CELF2: variants seen among roughly 807,000 people sequenced by gnomAD.
CELF2 encodes CUG triplet repeat RNA-binding protein 2.
Under a neutral mutation model 62.6 loss-of-function variants are expected in CELF2, and 8 were observed. The observed-to-expected ratio is 0.13, with a 90% CI of 0.07 to 0.23. The LOEUF (loss-of-function observed/expected upper bound fraction) is 0.23. Among genes scored for constraint, CELF2 ranks in the 10% least tolerant of loss-of-function variants. The probability of loss-of-function intolerance (pLI) is 1.00; values close to 1 mark genes in which losing one functional copy is unlikely to be tolerated. For missense variants in CELF2, 333 were observed against 671.0 expected (o/e 0.50, Z 5.56); for synonymous variants, 258 against 250.0 (o/e 1.03, Z -0.30).
chr10:11,258,630 C>T (rs1160757966), intron 5 of CELF2, among the ~76,000 whole-genome samples: 7 of 152,198 alleles, frequency 4.6e-5, no homozygotes, highest in African/African-American at 7.2e-5. Flanking sequence ...TAAAGGCTGA[C>T]GCTGGAGGTT....
the CELF2 span, among the ~76,000 whole-genome samples, chr10:10,571,858 C>A: frequency 0.41 from 61,826 of 151,844 alleles, 12,862 homozygotes; most frequent in East Asian, 0.55. Context: ...ATGAGATGAG[C>A]GTAGGAATGA....
chr10:10,628,233 A>T, the CELF2 span, among the ~76,000 whole-genome samples: 1 of 152,098 alleles, frequency 6.6e-6, no homozygotes, highest in Non-Finnish European at 1.5e-5. Flanking sequence ...TAACCTTAAA[A>T]ACAGTAAACC....
At chr10:10,775,098 G>A in the CELF2 span, among the ~76,000 whole-genome samples, 5 of 151,990 alleles carry the variant, frequency 3.3e-5, no homozygotes, top group East Asian at 9.8e-4. Flanking sequence ...GCTGGTCTTG[G>A]CCTCCTGATC....
chr10:11,141,021 A>G (rs1174510036), intron 1 of CELF2, among the ~76,000 whole-genome samples: 3 of 152,226 alleles, frequency 2.0e-5, no homozygotes, highest in African/African-American at 7.2e-5. Flanking sequence ...GTCTTAAAAA[A>G]ATAAAGCATA....
chr10:10,661,322 T>C, the CELF2 span, among the ~76,000 whole-genome samples: 1 of 152,248 alleles, frequency 6.6e-6, no homozygotes, highest in African/African-American at 2.4e-5. Context: ...GATTCAACTA[T>C]GGTTGTGTGT....
chr10:11,225,526 C>T (rs114218011), intron 3 of CELF2, among the ~76,000 whole-genome samples: 2,371 of 152,274 alleles, frequency 0.016, 62 homozygotes, highest in African/African-American at 0.054. Context: ...GAGTACTTCA[C>T]GTAGACAAAC....
chr10:11,288,414 A>C lies in CELF2; in HGVS notation c.842-4A>C. 6.2e-7 allele frequency: 1 copy of C among 1,613,826 alleles called. No individual in the cohort carries two copies. The highest frequency in any genetic ancestry group is 2.2e-5 in the East Asian group (1 of 44,900). On this transcript the variant is annotated splice_region_variant and splice_polypyrimidine_tract_variant and intron_variant, in intron 8 of 12. Transcript: ENST00000633077. ...CTGAAAGTAACTTTCTCTTCCCTCC[A>C]CAGGCATGAATGCTTTACAGTTGCA...
At chr10:10,749,768 G>A in the CELF2 span, among the ~76,000 whole-genome samples, 1 of 152,150 alleles carries the variant, frequency 6.6e-6, no homozygotes, top group African/African-American at 2.4e-5. Flanking sequence ...GTTCATGATT[G>A]TTATCAATAA....
At chr10:10,867,700 A>C (rs145001051) in intron 1 of CELF2, among the ~76,000 whole-genome samples, 1 of 152,090 alleles carries the variant, frequency 6.6e-6, no homozygotes, top group Non-Finnish European at 1.5e-5. Flanking sequence ...TTCCTCATCT[A>C]TTCTTTAAAC....
the CELF2 span, among the ~76,000 whole-genome samples, chr10:10,542,588 G>C: frequency 6.6e-6 from 1 of 152,216 alleles, no homozygotes; most frequent in Non-Finnish European, 1.5e-5. Context: ...TGTTGGAATA[G>C]GGAAGCCGCA....
the CELF2 span, among the ~76,000 whole-genome samples, chr10:10,705,849 C>T: frequency 6.6e-6 from 1 of 152,130 alleles, no homozygotes; most frequent in African/African-American, 2.4e-5. Context: ...TAAATTATGC[C>T]ACTCTGCCAG....
the CELF2 span, among the ~76,000 whole-genome samples, chr10:10,538,346 C>T: frequency 1.3e-5 from 2 of 152,192 alleles, no homozygotes; most frequent in East Asian, 3.9e-4. Context: ...TTCAATGGAG[C>T]TCAGCCTCCT....
chr10:10,919,937 C>T (rs2064729809), intron 1 of CELF2: 2 of 1,225,742 alleles, frequency 1.6e-6, no homozygotes, highest in South Asian at 4.1e-5. Context: ...CTTAATCATA[C>T]TTATCTTCTT....
chr10:10,495,767 T>C, the CELF2 span, among the ~76,000 whole-genome samples: 5 of 152,178 alleles, frequency 3.3e-5, no homozygotes, highest in Admixed American at 2.0e-4. Context: ...GGCATTTCTG[T>C]TGCTTTGTTC....
At chr10:10,467,741 AAT>A in the CELF2 span, among the ~76,000 whole-genome samples, 6 of 151,972 alleles carry the variant, frequency 3.9e-5, no homozygotes, top group Admixed American at 2.0e-4. Context: ...GTTGTTCTTT[AAT>A]TTCTTTAAGC....
chr10:10,975,534 G>C (rs1475939159), intron 2 of CELF2, among the ~76,000 whole-genome samples: 3 of 152,210 alleles, frequency 2.0e-5, no homozygotes, highest in Non-Finnish European at 2.9e-5. Context: ...TGACCACTCA[G>C]TTTTAATCTT....
At chr10:10,686,314 G>C in the CELF2 span, among the ~76,000 whole-genome samples, 682 of 65,742 alleles carry the variant, frequency 0.01, 15 homozygotes, top group Admixed American at 0.014. Context: ...ATTTTTTGGG[G>C]GGGGGGGTGG....
rs576204182 is a variant in CELF2 at position 11,301,907 on chromosome 10, C to T, written c.977-12232C>T. Among the ~76,000 whole-genome samples, 264 of 152,212 alleles carry T rather than the reference C, an allele frequency of 1.7e-3. 3 individuals carry two copies. The highest frequency in any genetic ancestry group is 6.1e-3 in the African/African-American group (254 of 41,538). Reference sequence around the variant, plus strand: ...CCCTTGTCCAGCGCACTAGGGCCTGCACGTGGGCCTCATGTGGAGAGAGCC... The same window carrying T: ...CCCTTGTCCAGCGCACTAGGGCCTGTACGTGGGCCTCATGTGGAGAGAGCC... On this transcript the variant is annotated intron_variant, in intron 9 of 12. Coordinates refer to ENST00000633077, the MANE Select transcript of CELF2 (RefSeq NM_001326342.2).
At chr10:10,608,473 A>G in the CELF2 span, among the ~76,000 whole-genome samples, 1 of 152,212 alleles carries the variant, frequency 6.6e-6, no homozygotes, top group Admixed American at 6.5e-5. Flanking sequence ...TAGATGCTGC[A>G]GATGTCTCTG....
Sources: allele counts gnomAD v4.1 joint callset (sites outside exome capture counted in the v4.1 genomes callset), GRCh38; gene constraint gnomAD v4.1.1; transcripts MANE v1.5; gene names NCBI Gene and HGNC (gene_info 2026-07-23, HGNC 2026-07-21).